The following RNF13 variants were observed in gnomAD, a reference collection of about 807,000 sequenced individuals.
RNF13 encodes the protein E3 ubiquitin-protein ligase RNF13.
In RNF13, 19 loss-of-function variants were observed where a neutral mutation model predicts 37.7. The observed-to-expected ratio is 0.50, with a 90% CI of 0.35 to 0.74. The LOEUF (loss-of-function observed/expected upper bound fraction) is 0.74, where lower values mean the gene tolerates loss of function less well. Ranked by LOEUF, RNF13 falls within the 30% of genes least tolerant of loss-of-function variation. RNF13 has a pLI of 0.01. For missense variants in RNF13, 375 were observed against 453.0 expected (o/e 0.83, Z 1.56); for synonymous variants, 144 against 157.8 (o/e 0.91, Z 0.65).
chr3:149,939,918 G>T, intron 8 of RNF13: 1 of 278,314 alleles, frequency 3.6e-6, no homozygotes, highest in Non-Finnish European at 6.9e-6. Flanking sequence ...TTTAAAGTGG[G>T]TTTCTTTTCA....
intron 2 of RNF13, among the ~76,000 whole-genome samples, 184 bp downstream of exon 2, chr3:149,846,324 C>T (rs763137904): frequency 1.3e-5 from 2 of 152,084 alleles, no homozygotes; most frequent in East Asian, 1.9e-4. Context: ...TTTTTTGAGA[C>T]GGAATTTCAT....
intron 7 of RNF13, among the ~76,000 whole-genome samples, chr3:149,915,771 C>T (rs79575501): frequency 0.03 from 4,550 of 152,232 alleles, 82 homozygotes; most frequent in South Asian, 0.037. Context: ...ATTCTACTTA[C>T]ACGAGGTACC....
intron 8 of RNF13, among the ~76,000 whole-genome samples, chr3:149,941,474 C>T (rs940524079): frequency 6.6e-6 from 1 of 150,426 alleles, no homozygotes; most frequent in African/African-American, 2.4e-5. Flanking sequence ...ATTGGCTATT[C>T]GTATATCTTC....
intron 8 of RNF13, among the ~76,000 whole-genome samples, chr3:149,935,323 C>T (rs1249497955): frequency 6.6e-6 from 1 of 151,998 alleles, no homozygotes; most frequent in Non-Finnish European, 1.5e-5. Flanking sequence ...TTTTTCTATT[C>T]ATTTAATCAC....
At chr3:149,917,673 A>T (rs1475400022) in intron 7 of RNF13, among the ~76,000 whole-genome samples, 1 of 152,248 alleles carries the variant, frequency 6.6e-6, no homozygotes, top group African/African-American at 2.4e-5. Context: ...TTGATTTCTA[A>T]TTCAGTTGTG....
intron 7 of RNF13, among the ~76,000 whole-genome samples, chr3:149,920,430 A>G (rs1718000538): frequency 6.6e-6 from 1 of 152,058 alleles, no homozygotes; most frequent in Admixed American, 6.6e-5. Flanking sequence ...ATGGGGTCTC[A>G]CTATGTTGCC....
intron 1 of RNF13, among the ~76,000 whole-genome samples, chr3:149,828,136 G>A (rs953786001): frequency 5.9e-5 from 9 of 152,108 alleles, no homozygotes; most frequent in Non-Finnish European, 1.0e-4. Flanking sequence ...ATTAGGATGA[G>A]GGAACTGGTT....
chr3:149,940,141 G>A (rs1483986533), intron 8 of RNF13, among the ~76,000 whole-genome samples: 1 of 151,908 alleles, frequency 6.6e-6, no homozygotes, highest in Non-Finnish European at 1.5e-5. Flanking sequence ...ATTTCATAAT[G>A]ATTCCACTTT....
At chr3:149,825,182 C>T (rs1576716054) in intron 1 of RNF13, among the ~76,000 whole-genome samples, 1 of 140,308 alleles carries the variant, frequency 7.1e-6, no homozygotes, top group South Asian at 2.3e-4. Context: ...TCCAGCAACC[C>T]TTTTTTTTTT....
At chr3:149,949,711 C>T (rs929764150) in intron 8 of RNF13, among the ~76,000 whole-genome samples, 1 of 150,606 alleles carries the variant, frequency 6.6e-6, no homozygotes, top group Non-Finnish European at 1.5e-5. Context: ...CTCAGATTCT[C>T]TTCATTTTCC....
chr3:149,874,287 A>G (rs1211050593), intron 4 of RNF13, among the ~76,000 whole-genome samples: 1 of 152,162 alleles, frequency 6.6e-6, no homozygotes, highest in East Asian at 1.9e-4. Context: ...ACATCAGTTT[A>G]TAGGGGAGAC....
intron 8 of RNF13, chr3:149,939,723 G>A (rs756384483): frequency 6.5e-6 from 5 of 772,514 alleles, no homozygotes; most frequent in South Asian, 2.6e-5. Flanking sequence ...AATCTTTGTC[G>A]GCCTTTTGTT....
chr3:149,872,541 G>T (rs1712195657), intron 4 of RNF13, among the ~76,000 whole-genome samples: 1 of 152,122 alleles, frequency 6.6e-6, no homozygotes, highest in East Asian at 1.9e-4. Context: ...TCTCTGACAT[G>T]GGTTAAGCTA....
At chr3:149,827,860 A>G (rs1720659436) in intron 1 of RNF13, among the ~76,000 whole-genome samples, 1 of 151,902 alleles carries the variant, frequency 6.6e-6, no homozygotes, top group African/African-American at 2.4e-5. Context: ...CTGTTATCCT[A>G]GCATTTTGGG....
intron 4 of RNF13, among the ~76,000 whole-genome samples, chr3:149,884,346 A>G (rs546441624): frequency 2.6e-5 from 4 of 152,062 alleles, no homozygotes; most frequent in South Asian, 4.2e-4. Context: ...AGCTGTACTA[A>G]TAAGGTATAA....
intron 8 of RNF13, among the ~76,000 whole-genome samples, chr3:149,942,214 C>CT (rs1720350512): frequency 6.6e-6 from 1 of 151,962 alleles, no homozygotes; most frequent in African/African-American, 2.4e-5. Flanking sequence ...TTTTACGATG[C>CT]TTTTTTCTGT....
chr3:149,902,217 T>A, intron 6 of RNF13, 55 bp downstream of exon 6: 2 of 771,282 alleles, frequency 2.6e-6, no homozygotes, highest in Non-Finnish European at 2.1e-6. Context: ...TATATTAAGG[T>A]AGAATTATAT....
At chr3:149,875,060 T>C (rs1483748008) in intron 4 of RNF13, among the ~76,000 whole-genome samples, 3 of 152,160 alleles carry the variant, frequency 2.0e-5, no homozygotes, top group African/African-American at 7.2e-5. Context: ...CAATTTTGTA[T>C]GATGCATTGA....
chr3:149,823,078 CTT>C (rs1414437987), intron 1 of RNF13, among the ~76,000 whole-genome samples: 1 of 152,052 alleles, frequency 6.6e-6, no homozygotes, highest in South Asian at 2.1e-4. Context: ...ATGACACAGA[CTT>C]TTAATTGAAT....
Sources: gnomAD v4.1 joint callset for allele counts (sites outside exome capture counted in the v4.1 genomes callset) on GRCh38, gnomAD v4.1.1 for gene constraint, MANE v1.5 for transcripts, NCBI Gene and HGNC (gene_info 2026-07-23, HGNC 2026-07-21) for gene names.